Variants in EEF1A1 observed in about 807,000 individuals in gnomAD.
EEF1A1 encodes the protein eukaryotic translation elongation factor 1 alpha 1.
EEF1A1 carries 1 observed loss-of-function variant against 38.5 expected under a neutral mutation model. The observed-to-expected ratio is 0.03, with a 90% confidence interval of 0.01 to 0.12. The LOEUF (loss-of-function observed/expected upper bound fraction) is 0.12. Among genes scored for constraint, EEF1A1 ranks in the 10% least tolerant of loss-of-function variants. EEF1A1 has a pLI of 1.00. For synonymous variants in EEF1A1, 229 were observed against 203.7 expected (o/e 1.12, Z -1.06); for missense variants, 184 against 588.3 (o/e 0.31, Z 7.11).
At chr6:73,518,001 C>CT (rs769047471) in intron 7 of EEF1A1, 29 bp downstream of exon 7, 2 of 1,610,484 alleles carry the variant, frequency 1.2e-6, no homozygotes, top group East Asian at 2.2e-5. Context: ...TTTAACACAA[C>CT]TTTTTTACAT....
rs1765551852 is a variant in EEF1A1 at position 73,517,607 on chromosome 6, ATAACT to A, written c.*198_*202del. On this transcript the variant is annotated 3_prime_UTR_variant, in exon 8 of 8. Coordinates refer to ENST00000309268, the MANE Select transcript of EEF1A1 (RefSeq NM_001402.6). Reference sequence around the variant, plus strand: ...TAAAAAGTACTGATTTTAAAAACTAATAACTTAAAACTGCCACACGCAAAAAAGAA... The same window carrying A: ...TAAAAAGTACTGATTTTAAAAACTAATAAAACTGCCACACGCAAAAAAGAA... The A allele has an allele frequency of 2.3e-6, 1 of 434,328 alleles. No individual in the cohort carries two copies. Among genetic ancestry groups the A allele is most frequent in the Non-Finnish European group, 4.1e-6 (1 of 244,826 alleles). The allele number at this position is 434,328 out of a possible 1,614,324, so 26.9% of individuals were successfully genotyped here.
chr6:73,519,007 G>C lies in EEF1A1; in HGVS notation c.546C>G (p.Gly182=), dbSNP rs1368467283. ...CAAATGCTACTGTGTCGGGGTTGTAGCCAATTTTCTTAATGTAAGTGCTGA... is the reference window on the plus strand; with the variant it reads ...CAAATGCTACTGTGTCGGGGTTGTACCCAATTTTCTTAATGTAAGTGCTGA... The part of the protein sequence containing the change: ...KEVSTYIKKI[G]YNPDTVAFVP... The change falls in exon 4 of 8, where the codon GGC becomes GGG. Residue 182 remains glycine, a synonymous_variant. Transcript: ENST00000309268. 6.2e-7 allele frequency: 1 copy of C among 1,600,698 alleles called. No individual in the cohort carries two copies. The highest frequency in any genetic ancestry group is 2.2e-5 in the East Asian group (1 of 44,832).
chr6:73,519,769 C>T, intron 2 of EEF1A1, 114 bp downstream of exon 2: 2 of 1,469,652 alleles, frequency 1.4e-6, no homozygotes, highest in Non-Finnish European at 1.8e-6. Flanking sequence ...TAAGTAAGGT[C>T]TTAACTATTA....
At position 73,519,963 on chromosome 6, in the gene EEF1A1, T is replaced by A. The variant is rs778988441; in HGVS notation, c.64A>T (p.Thr22Ser). 1 of 1,606,328 alleles carries A rather than the reference T, an allele frequency of 6.2e-7. No individual in the cohort carries two copies. The change falls in exon 2 of 8, where the codon ACC becomes TCC. Residue 22 changes from threonine (T) to serine (S), a missense_variant. Coordinates refer to ENST00000309268, the MANE Select transcript of EEF1A1 (RefSeq NM_001402.6). ...VIGHVDSGKSTTTGHLIYKCG... is the reference protein window; with the variant it reads ...VIGHVDSGKSSTTGHLIYKCG... ...TTATAGATCAGATGGCCAGTAGTGG[T>A]GGACTTGCCCGAATCTACGTGTCCA...
At chr6:73,518,911 A>T (rs752822715) in intron 4 of EEF1A1, 21 bp downstream of exon 4, 2 of 1,611,154 alleles carry the variant, frequency 1.2e-6, no homozygotes, top group African/African-American at 2.7e-5. Context: ...CTTTTTAACA[A>T]TGGTCTTGAA....
Position 73,516,915 on chromosome 6 carries a change from G to A in EEF1A1, c.*895C>T, listed in dbSNP as rs947528828. The stretch of plus-strand genomic sequence containing the variant: ...ATAAAAGGTATTAGACTCTGCAGGA[G>A]AAAAGCAATGTAGATTAGTCTAATT... On this transcript the variant is annotated 3_prime_UTR_variant, in exon 8 of 8. Coordinates refer to ENST00000309268, the MANE Select transcript of EEF1A1 (RefSeq NM_001402.6). 2 of 152,188 alleles carry A rather than the reference G, an allele frequency of 1.3e-5. No homozygotes were observed. The highest frequency in any genetic ancestry group is 4.8e-5 in the African/African-American group (2 of 41,442). 9.4% of individuals were successfully genotyped at this position (152,188 alleles called of 1,614,324 possible). A position where few individuals can be genotyped will look rare whatever the true frequency, so the allele number is the denominator to read the frequency against.
In EEF1A1 at chr6:73,519,525, ATTAAGAGTCG is replaced by A. The variant is rs562872308; in HGVS notation, c.145-19_145-10del. On this transcript the variant is annotated splice_polypyrimidine_tract_variant and intron_variant, in intron 2 of 7. Coordinates refer to ENST00000309268, the MANE Select transcript of EEF1A1 (RefSeq NM_001402.6). Reference sequence around the variant, plus strand: ...AAGGAGCCCTTTCCCATCTGTAAGGATTAAGAGTCGTTACTTGGTTACTAAAACACAAACT... The same window carrying A: ...AAGGAGCCCTTTCCCATCTGTAAGGATTACTTGGTTACTAAAACACAAACT... 4.0e-4 allele frequency: 640 copies of A among 1,587,252 alleles called. 5 individuals carry two copies. The East Asian group carries it at 0.011, about 27-fold the overall frequency.
intron 1 of EEF1A1, chr6:73,520,621 GC>G: frequency 6.6e-6 from 1 of 152,526 alleles, no homozygotes; most frequent in Non-Finnish European, 1.5e-5. Context: ...CCCCGTCGCC[GC>G]CCGCGGCCCC....
At position 73,516,670 on chromosome 6, in the gene EEF1A1, C is replaced by A. The variant is rs1765523163; in HGVS notation, c.*1140G>T. ...TCCTTCAAACTTAAGCAAAAATTTT[C>A]CTTTTATAACCAAAAAAAAACCTTT... On this transcript the variant is annotated 3_prime_UTR_variant, in exon 8 of 8. Transcript: ENST00000309268. 1 of 151,962 alleles carries A rather than the reference C, an allele frequency of 6.6e-6. No homozygotes were observed. The highest frequency in any genetic ancestry group is 1.5e-5 in the Non-Finnish European group (1 of 68,000). The allele number at this position is 151,962 out of a possible 1,614,324, so 9.4% of individuals were successfully genotyped here. A position where few individuals can be genotyped will look rare whatever the true frequency, so the allele number is the denominator to read the frequency against.
In EEF1A1 at chr6:73,518,679, T is replaced by C. The variant is rs779526389; in HGVS notation, c.772+19A>G. ...GTACTCTATCAACTCAAATTCAACTTTGTTTACAGCCAACTTACCACCAAT... is the reference window on the plus strand; with the variant it reads ...GTACTCTATCAACTCAAATTCAACTCTGTTTACAGCCAACTTACCACCAAT... On this transcript the variant is annotated intron_variant, in intron 5 of 7. Coordinates refer to ENST00000309268, the MANE Select transcript of EEF1A1 (RefSeq NM_001402.6). The C allele has an allele frequency of 2.5e-6, 4 of 1,608,350 alleles. No individual in the cohort carries two copies. Among genetic ancestry groups the C allele is most frequent in the African/African-American group, 2.8e-5 (2 of 70,434 alleles).
In EEF1A1 at chr6:73,518,687, A is replaced by G. The variant is rs758574169; in HGVS notation, c.772+11T>C. On this transcript the variant is annotated intron_variant, in intron 5 of 7. Coordinates refer to ENST00000309268, the MANE Select transcript of EEF1A1 (RefSeq NM_001402.6). ...TCAACTCAAATTCAACTTTGTTTAC[A>G]GCCAACTTACCACCAATTTTGTAGA... 8 of 1,613,992 alleles carry G rather than the reference A, an allele frequency of 5.0e-6. No homozygotes were observed. The South Asian group carries it at 8.8e-5, about 18-fold the overall frequency.
chr6:73,516,976 G>C lies in EEF1A1; in HGVS notation c.*834C>G, dbSNP rs1050122092. Reference sequence around the variant, plus strand: ...TTCAAATTGCCATCTTTTTCTATTAGAACCTTGTTCCTATTCTGAATAGCA... The same window carrying C: ...TTCAAATTGCCATCTTTTTCTATTACAACCTTGTTCCTATTCTGAATAGCA... On this transcript the variant is annotated 3_prime_UTR_variant, in exon 8 of 8. Coordinates refer to ENST00000309268, the MANE Select transcript of EEF1A1 (RefSeq NM_001402.6). The C allele has an allele frequency of 6.6e-6, 1 of 152,142 alleles. No individual in the cohort carries two copies. Among genetic ancestry groups the C allele is most frequent in the Non-Finnish European group, 1.5e-5 (1 of 68,034 alleles). The allele number at this position is 152,142 out of a possible 1,614,324, so 9.4% of individuals were successfully genotyped here.
Position 73,516,317 on chromosome 6 carries a change from T to G in EEF1A1, c.*1493A>C, listed in dbSNP as rs1015181201. On this transcript the variant is annotated 3_prime_UTR_variant, in exon 8 of 8. Coordinates refer to ENST00000309268, the MANE Select transcript of EEF1A1 (RefSeq NM_001402.6). ...CTTTAACTCCTGCTTAGCATGTCCT[T>G]AAGAACACATGTCCTGGCCAGGCAT... 2 of 152,228 alleles carry G rather than the reference T, an allele frequency of 1.3e-5. No individual in the cohort carries two copies. The highest frequency in any genetic ancestry group is 6.5e-5 in the Admixed American group (1 of 15,272). 9.4% of individuals were successfully genotyped at this position (152,228 alleles called of 1,614,324 possible).
rs1317162620 is a variant in EEF1A1, at chr6:73,519,598, A to T, written c.145-82T>A. 4.2e-6 allele frequency: 6 copies of T among 1,433,720 alleles called. No homozygotes were observed. In the East Asian group the frequency reaches 1.4e-4, roughly 33 times the overall value. 88.8% of individuals were successfully genotyped at this position (1,433,720 alleles called of 1,614,324 possible). On this transcript the variant is annotated intron_variant, in intron 2 of 7. Coordinates refer to ENST00000309268, the MANE Select transcript of EEF1A1 (RefSeq NM_001402.6). The stretch of plus-strand genomic sequence containing the variant: ...TCCTTGTCCCCAGCCCTTAATTGGC[A>T]GTTTCCACTTTACAACTCCAAGTCC...
Position 73,517,490 on chromosome 6 carries a change from G to A in EEF1A1, c.*320C>T, listed in dbSNP as rs998323426. 3.4e-5 allele frequency: 9 copies of A among 265,972 alleles called. No homozygotes were observed. The highest frequency in any genetic ancestry group is 5.0e-5 in the Non-Finnish European group (7 of 140,988). The allele number at this position is 265,972 out of a possible 1,614,324, so 16.5% of individuals were successfully genotyped here. On this transcript the variant is annotated 3_prime_UTR_variant, in exon 8 of 8. Coordinates refer to ENST00000309268, the MANE Select transcript of EEF1A1 (RefSeq NM_001402.6). The stretch of plus-strand genomic sequence containing the variant: ...TAGATGTCTTTCACCTAAATGTCTC[G>A]GTGTTGACCAAAGGAACACACAGGT...
chr6:73,519,493 A>G lies in EEF1A1; in HGVS notation c.168T>C (p.Tyr56=). 1 of 1,597,900 alleles carries G rather than the reference A, an allele frequency of 6.3e-7. No homozygotes were observed. The highest frequency in any genetic ancestry group is 1.1e-5 in the South Asian group (1 of 90,956). ...AAEMGKGSFK[Y]AWVLDKLKAE... ...CTTTCAGTTTATCCAAGACCCAGGC[A>G]TACTTGAAGGAGCCCTTTCCCATCT... Residue 56 remains tyrosine, a synonymous_variant, in exon 3 of 8, where the codon TAT becomes TAC. Coordinates refer to ENST00000309268, the MANE Select transcript of EEF1A1 (RefSeq NM_001402.6).
rs2150051413 is a variant in EEF1A1 at position 73,518,269 on chromosome 6, G to A, written c.1030-5C>T. ...TGGATGGTTCAGGATAATCACCTTG[G>A]AAAAAAGATTTGCATTCAGTGCAAA... On this transcript the variant is annotated splice_region_variant and splice_polypyrimidine_tract_variant and intron_variant, in intron 6 of 7. Coordinates refer to ENST00000309268, the MANE Select transcript of EEF1A1 (RefSeq NM_001402.6). 1.2e-6 allele frequency: 2 copies of A among 1,611,142 alleles called. No homozygotes were observed. The highest frequency in any genetic ancestry group is 1.1e-5 in the South Asian group (1 of 90,564).
rs913109355 is a variant in EEF1A1, at chr6:73,518,627, C to A, written c.773-17G>T. 1 of 1,612,994 alleles carries A rather than the reference C, an allele frequency of 6.2e-7. No individual in the cohort carries two copies. Among genetic ancestry groups the A allele is most frequent in the Non-Finnish European group, 8.5e-7 (1 of 1,179,164 alleles). ...TACCAATACCTAAAAATATTTACAG[C>A]ATACTAAATACCTATGAAGGCAGAC... On this transcript the variant is annotated splice_polypyrimidine_tract_variant and intron_variant, in intron 5 of 7. Transcript: ENST00000309268.
Position 73,517,882 on chromosome 6 carries a change from T to C in EEF1A1, c.1317A>G (p.Lys439=), listed in dbSNP as rs1355569385. The change falls in exon 8 of 8, where the codon AAA becomes AAG. Residue 439 remains lysine (K), a synonymous_variant. Coordinates refer to ENST00000309268, the MANE Select transcript of EEF1A1 (RefSeq NM_001402.6). ...MRQTVAVGVI[K]AVDKKAAGAG... ...CTCCAGCAGCCTTCTTGTCCACTGC[T>C]TTGATGACACCCACCGCAACTGTCT... The C allele has an allele frequency of 6.2e-7, 1 of 1,612,020 alleles. No homozygotes were observed. Among genetic ancestry groups the C allele is most frequent in the Non-Finnish European group, 8.5e-7 (1 of 1,179,572 alleles).
Sources: gnomAD v4.1 joint callset for allele counts on GRCh38, gnomAD v4.1.1 for gene constraint, MANE v1.5 for transcripts, NCBI Gene and HGNC (gene_info 2026-07-23, HGNC 2026-07-21) for gene names.